Variants in SOX5 observed in about 807,000 individuals in gnomAD.
SOX5 encodes transcription factor SOX-5.
In SOX5, 9 loss-of-function variants were observed where a neutral mutation model predicts 92.0. That is an observed-to-expected ratio of 0.10 (90% CI 0.06 to 0.17). The LOEUF is 0.17. SOX5 is among the 10% of genes least tolerant of loss of function. The pLI is 1.00. For missense variants in SOX5, 642 were observed against 944.5 expected (o/e 0.68, Z 4.20); for synonymous variants, 344 against 336.3 (o/e 1.02, Z -0.25).
intron 4 of SOX5, among the ~76,000 whole-genome samples, chr12:24,031,800 A>G (rs956702290): frequency 4.6e-5 from 7 of 151,862 alleles, no homozygotes; most frequent in African/African-American, 1.7e-4. Context: ...ATGGCTGGAG[A>G]TAACAATGTG....
rs982340712 is a variant in SOX5 at position 23,992,466 on chromosome 12, A to G, written c.-1-96442T>C. 5.9e-5 allele frequency among the ~76,000 whole-genome samples: 9 copies of G among 152,180 alleles called. 1 individual carries two copies. The East Asian group carries it at 1.7e-3, about 29-fold the overall frequency. ...ATACATAATTTGCAAAGTAGCCATT[A>G]ATAACTCTCTTTTCTAATGTGAATT... On this transcript the variant is annotated intron_variant, in intron 4 of 4. Transcript: ENST00000446891.
At chr12:23,559,469 AAAAGT>A (rs1162012380) in intron 11 of SOX5, among the ~76,000 whole-genome samples, 1 of 152,206 alleles carries the variant, frequency 6.6e-6, no homozygotes, top group African/African-American at 2.4e-5. Flanking sequence ...CACTTCCAGG[AAAAGT>A]AAAGAAGTTA....
chr12:23,748,099 A>G (rs1431470743), intron 4 of SOX5, among the ~76,000 whole-genome samples: 1 of 152,016 alleles, frequency 6.6e-6, no homozygotes, highest in Non-Finnish European at 1.5e-5. Context: ...CCCAATTTTT[A>G]TACTATAGTA....
At chr12:23,831,203 C>G (rs186863369) in intron 3 of SOX5, among the ~76,000 whole-genome samples, 1 of 151,862 alleles carries the variant, frequency 6.6e-6, no homozygotes, top group East Asian at 1.9e-4. Context: ...AAGGTGCAAT[C>G]AATTAAAGTG....
chr12:24,389,886 T>C (rs1876517), intron 1 of SOX5, among the ~76,000 whole-genome samples: 44,538 of 152,042 alleles, frequency 0.29, 6,747 homozygotes, highest in East Asian at 0.49. Context: ...CCAAGACTTG[T>C]TATTTTCTGT....
chr12:24,160,750 C>T lies in SOX5; in HGVS notation c.-2+52593G>A, dbSNP rs1048887131. ...ATTTTTATGGCCCAAACTGAACTGA[C>T]CACACATCAACCTGCATGAGAAGAG... On this transcript the variant is annotated intron_variant, in intron 4 of 4. Coordinates refer to the SOX5 transcript ENST00000446891. Among the ~76,000 whole-genome samples, 3 of 151,942 alleles carry T rather than the reference C, an allele frequency of 2.0e-5. No individual in the cohort carries two copies. In the East Asian group the frequency reaches 5.8e-4, roughly 29 times the overall value.
chr12:23,996,854 T>A (rs1391634953), intron 4 of SOX5, among the ~76,000 whole-genome samples: 3 of 152,190 alleles, frequency 2.0e-5, no homozygotes, highest in Non-Finnish European at 4.4e-5. Context: ...TTACTGAGTA[T>A]GGAATTTTCT....
intron 1 of SOX5, among the ~76,000 whole-genome samples, chr12:23,900,405 G>A (rs751009296): frequency 6.6e-5 from 10 of 152,274 alleles, no homozygotes; most frequent in Non-Finnish European, 1.3e-4. Flanking sequence ...CACTCTGCAA[G>A]TAGGCTGTCT....
chr12:24,045,325 T>C (rs533519189), intron 4 of SOX5, among the ~76,000 whole-genome samples: 1 of 152,202 alleles, frequency 6.6e-6, no homozygotes, highest in Non-Finnish European at 1.5e-5. Flanking sequence ...TAACTTTAAA[T>C]AGCATCTGTA....
intron 9 of SOX5, among the ~76,000 whole-genome samples, chr12:23,583,539 G>C (rs1045657652): frequency 6.6e-6 from 1 of 152,084 alleles, no homozygotes; most frequent in Non-Finnish European, 1.5e-5. Context: ...CTGGTCCCCA[G>C]ACAACTTCAA....
At chr12:24,386,249 T>G (rs1194829487) in intron 1 of SOX5, among the ~76,000 whole-genome samples, 1 of 152,142 alleles carries the variant, frequency 6.6e-6, no homozygotes, top group African/African-American at 2.4e-5. Flanking sequence ...AAAATTACTA[T>G]AGTAAATTAA....
intron 3 of SOX5, among the ~76,000 whole-genome samples, chr12:24,234,877 A>G (rs964108550): frequency 6.6e-6 from 1 of 152,010 alleles, no homozygotes; most frequent in African/African-American, 2.4e-5. Flanking sequence ...TGGGAGTGAG[A>G]GGGGGTGCTC....
rs191110687 is a variant in SOX5 at position 24,508,657 on chromosome 12, G to A, written c.-251+53672C>T. On this transcript the variant is annotated intron_variant, in intron 1 of 4. Transcript: ENST00000446891. ...CCCAAGAATGGATGGAATCATTCAC[G>A]CTGTGGTCCAGGGCTGTGTCTATCA... Among the ~76,000 whole-genome samples the A allele has an allele frequency of 1.6e-3, 237 of 152,256 alleles. 2 individuals are homozygous for A. The highest frequency in any genetic ancestry group is 3.9e-3 in the African/African-American group (164 of 41,546).
At chr12:23,549,119 T>C (rs1943698071) in intron 11 of SOX5, among the ~76,000 whole-genome samples, 1 of 152,000 alleles carries the variant, frequency 6.6e-6, no homozygotes, top group African/African-American at 2.4e-5. Context: ...TAAGAGCAAA[T>C]ACTACTGGAA....
chr12:24,285,683 T>C (rs926251937), intron 2 of SOX5, among the ~76,000 whole-genome samples: 1 of 152,212 alleles, frequency 6.6e-6, no homozygotes, highest in Non-Finnish European at 1.5e-5. Flanking sequence ...ACAAGACATG[T>C]TTAACATGTA....
intron 6 of SOX5, among the ~76,000 whole-genome samples, chr12:23,679,926 T>C (rs957859471): frequency 6.6e-6 from 1 of 151,204 alleles, no homozygotes; most frequent in Non-Finnish European, 1.5e-5. Flanking sequence ...CTTAAAATAT[T>C]TGCTTACAAA....
intron 1 of SOX5, among the ~76,000 whole-genome samples, chr12:24,392,868 C>A (rs544461691): frequency 1.3e-5 from 2 of 152,166 alleles, no homozygotes; most frequent in African/African-American, 4.8e-5. Flanking sequence ...CCTGTGGACA[C>A]AGGGAGAAAC....
At chr12:23,803,787 T>C (rs974155013) in intron 3 of SOX5, among the ~76,000 whole-genome samples, 4 of 152,144 alleles carry the variant, frequency 2.6e-5, no homozygotes, top group African/African-American at 9.7e-5. Context: ...CTGACAACCA[T>C]AAGAAAGTCC....
At chr12:23,705,740 C>T (rs755578228) in intron 6 of SOX5, among the ~76,000 whole-genome samples, 1 of 151,948 alleles carries the variant, frequency 6.6e-6, no homozygotes, top group African/African-American at 2.4e-5. Context: ...GGTAACTTTA[C>T]GTAAGAAAAG....
Sources: allele counts gnomAD v4.1 joint callset (sites outside exome capture counted in the v4.1 genomes callset), GRCh38; gene constraint gnomAD v4.1.1; transcripts MANE v1.5; gene names NCBI Gene and HGNC (gene_info 2026-07-23, HGNC 2026-07-21).